LRRC37A2: variants seen among roughly 807,000 people sequenced by gnomAD.
LRRC37A2 encodes leucine rich repeat containing 37 member A2.
Under a neutral mutation model 68.8 loss-of-function variants are expected in LRRC37A2, and 9 were observed. The observed-to-expected ratio is 0.13, with a 90% CI of 0.08 to 0.23. The LOEUF is 0.23. Ranked by LOEUF, LRRC37A2 falls within the 10% of genes least tolerant of loss-of-function variation. The pLI is 1.00. For synonymous variants in LRRC37A2, 63 were observed against 367.6 expected, an observed-to-expected ratio of 0.17 and a Z score of 9.48; for missense variants, 168 against 950.4, an observed-to-expected ratio of 0.18 and a Z score of 10.82.
the LRRC37A2 span, chr17:46,762,557 G>A: frequency 6.6e-6 from 1 of 150,738 alleles, no homozygotes; most frequent in East Asian, 1.9e-4. Context: ...AAAACTGCAT[G>A]ATGAAATATA....
the LRRC37A2 span, chr17:46,830,690 G>C: frequency 5.0e-6 from 2 of 398,598 alleles, no homozygotes; most frequent in East Asian, 7.1e-5. Flanking sequence ...TTGGACTTTT[G>C]GGAGCATTTT....
chr17:46,730,323 G>A, the LRRC37A2 span, among the ~76,000 whole-genome samples: 1 of 152,036 alleles, frequency 6.6e-6, no homozygotes, highest in African/African-American at 2.4e-5. Context: ...TTTTTTAGCT[G>A]AAAATAATTT....
At chr17:46,986,672 G>A in the LRRC37A2 span, among the ~76,000 whole-genome samples, 2 of 152,190 alleles carry the variant, frequency 1.3e-5, no homozygotes, top group Non-Finnish European at 2.9e-5. Flanking sequence ...TAGACACTGT[G>A]GGGACTATCT....
chr17:46,994,926 C>T, the LRRC37A2 span, among the ~76,000 whole-genome samples: 7 of 152,056 alleles, frequency 4.6e-5, no homozygotes, highest in East Asian at 1.9e-4. Context: ...GTTTGAGACC[C>T]GCCTGGGCAA....
the LRRC37A2 span, chr17:46,872,752 A>G: frequency 2.8e-6 from 4 of 1,427,928 alleles, no homozygotes; most frequent in African/African-American, 1.5e-5. Flanking sequence ...CCTGGAGGGC[A>G]GGATGGGCCT....
chr17:46,904,497 G>A, the LRRC37A2 span, among the ~76,000 whole-genome samples: 2 of 151,056 alleles, frequency 1.3e-5, no homozygotes, highest in African/African-American at 2.4e-5. Flanking sequence ...TGGATGGGTG[G>A]ATGGGTGGCT....
the LRRC37A2 span, among the ~76,000 whole-genome samples, chr17:46,681,364 C>T: frequency 3.2e-5 from 4 of 125,818 alleles, no homozygotes; most frequent in African/African-American, 1.2e-4. Flanking sequence ...GTGGCACATT[C>T]CTGTGGTCCC....
the LRRC37A2 span, among the ~76,000 whole-genome samples, chr17:46,883,266 G>A: frequency 6.6e-5 from 10 of 150,784 alleles, no homozygotes; most frequent in African/African-American, 2.2e-4. Context: ...ACAGGCGTGA[G>A]CTACTGCGCC....
chr17:46,897,631 T>TTTTTA, the LRRC37A2 span, among the ~76,000 whole-genome samples: 1 of 152,066 alleles, frequency 6.6e-6, no homozygotes, highest in African/African-American at 2.4e-5. Context: ...GGTGTACCTT[T>TTTTTA]TTTTATTTTA....
At chr17:46,496,968 A>G in the LRRC37A2 span, among the ~76,000 whole-genome samples, 2 of 143,722 alleles carry the variant, frequency 1.4e-5, no homozygotes, top group Non-Finnish European at 3.0e-5. Context: ...GTTTTATATT[A>G]GTAGTATAAT....
chr17:46,961,492 G>A, the LRRC37A2 span, among the ~76,000 whole-genome samples: 1 of 152,090 alleles, frequency 6.6e-6, no homozygotes, highest in South Asian at 2.1e-4. Flanking sequence ...CTATGATCAC[G>A]CCATTGCACT....
At chr17:46,765,994 G>A in the LRRC37A2 span, among the ~76,000 whole-genome samples, 20 of 152,192 alleles carry the variant, frequency 1.3e-4, no homozygotes, top group African/African-American at 2.7e-4. Flanking sequence ...AAGGGGTTCC[G>A]GGTAGGAACC....
At chr17:46,882,081 A>T in the LRRC37A2 span, among the ~76,000 whole-genome samples, 1 of 152,214 alleles carries the variant, frequency 6.6e-6, no homozygotes, top group South Asian at 2.1e-4. Flanking sequence ...GCTTGAGCCC[A>T]GGAGTTCGAG....
chr17:46,532,494 ATTC>A (rs1466305710), intron 6 of LRRC37A2, among the ~76,000 whole-genome samples: 2 of 147,822 alleles, frequency 1.4e-5, no homozygotes, highest in African/African-American at 5.2e-5. Context: ...ATTGGTGTTA[ATTC>A]TTCTTTAAGT....
chr17:46,895,118 T>C, the LRRC37A2 span, among the ~76,000 whole-genome samples: 1 of 152,198 alleles, frequency 6.6e-6, no homozygotes, highest in Non-Finnish European at 1.5e-5. Context: ...GAAGGTGGCC[T>C]TAGGCCCTCC....
At chr17:46,945,569 C>G in the LRRC37A2 span, among the ~76,000 whole-genome samples, 1 of 152,174 alleles carries the variant, frequency 6.6e-6, no homozygotes, top group African/African-American at 2.4e-5. Context: ...TGCATCTTTG[C>G]TGGGTGGTAA....
chr17:46,469,499 T>G, the LRRC37A2 span, among the ~76,000 whole-genome samples: 7 of 22,210 alleles, frequency 3.2e-4, no homozygotes, highest in Non-Finnish European at 5.7e-4. Context: ...TGTCCTGCTT[T>G]TATATTCCTC....
the LRRC37A2 span, among the ~76,000 whole-genome samples, chr17:46,877,499 C>T: frequency 1.3e-5 from 2 of 152,284 alleles, no homozygotes; most frequent in East Asian, 3.9e-4. Flanking sequence ...GAGAACTAGC[C>T]ACCAAGGCGG....
chr17:46,413,481 TAC>T, the LRRC37A2 span, among the ~76,000 whole-genome samples: 2,046 of 24,710 alleles, frequency 0.083, 519 homozygotes, highest in African/African-American at 0.14. Flanking sequence ...TCTCTCTCTG[TAC>T]ACACACACAC....
Sources: gnomAD v4.1 joint callset for allele counts (sites outside exome capture counted in the v4.1 genomes callset) on GRCh38, gnomAD v4.1.1 for gene constraint, MANE v1.5 for transcripts, NCBI Gene and HGNC (gene_info 2026-07-23, HGNC 2026-07-21) for gene names.